The following CDC42EP3 variants were observed in gnomAD, a reference collection of about 807,000 sequenced individuals.
The protein encoded by CDC42EP3 is CDC42 effector protein (Rho GTPase binding) 3.
Under a neutral mutation model 15.5 loss-of-function variants are expected in CDC42EP3, and 4 were observed. That is an observed-to-expected ratio of 0.26 (90% confidence interval 0.13 to 0.59). The LOEUF is 0.59. Among genes scored for constraint, CDC42EP3 ranks in the 20% least tolerant of loss-of-function variants. CDC42EP3 has a pLI of 0.89. For missense variants in CDC42EP3, 309 were observed against 311.2 expected, an observed-to-expected ratio of 0.99 and a Z score of 0.05; for synonymous variants, 145 against 130.3, an observed-to-expected ratio of 1.11 and a Z score of -0.77.
intron 1 of CDC42EP3, among the ~76,000 whole-genome samples, chr2:37,650,176 T>A (rs1665622864): frequency 6.6e-6 from 1 of 152,112 alleles, no homozygotes; most frequent in South Asian, 2.1e-4. Context: ...CCTCCCCAGC[T>A]CAGGGGCAAC....
chr2:37,656,852 C>G (rs369197398), intron 1 of CDC42EP3, among the ~76,000 whole-genome samples: 1 of 152,174 alleles, frequency 6.6e-6, no homozygotes, highest in East Asian at 1.9e-4. Flanking sequence ...AAGAAGGGTC[C>G]TAGACACTGG....
chr2:37,664,442 A>G (rs1255137417), intron 1 of CDC42EP3, among the ~76,000 whole-genome samples: 1 of 152,180 alleles, frequency 6.6e-6, no homozygotes, highest in Non-Finnish European at 1.5e-5. Context: ...CAGCTTGCAG[A>G]CAGCCTATTA....
chr2:37,647,645 C>A (rs1039902013), intron 1 of CDC42EP3: 1 of 152,484 alleles, frequency 6.6e-6, no homozygotes, highest in African/African-American at 2.4e-5. Flanking sequence ...TCGAAGGGAG[C>A]CCCCATGATC....
intron 1 of CDC42EP3, among the ~76,000 whole-genome samples, chr2:37,655,221 T>G (rs1665810885): frequency 6.6e-6 from 1 of 152,248 alleles, no homozygotes; most frequent in Non-Finnish European, 1.5e-5. Context: ...CAGGCGGTAT[T>G]TTAAAGACCC....
rs530451951 is a variant in CDC42EP3, at chr2:37,660,836, G to C, written c.-236+10590C>G. ...ACCTCAAAGTAGCAGACCTGGAAAT[G>C]ATGGGATCTGGAGGGTGTAGGGTTA... On this transcript the variant is annotated intron_variant, in intron 1 of 1. Coordinates refer to ENST00000295324, the MANE Select transcript of CDC42EP3 (RefSeq NM_006449.5). 2.0e-4 allele frequency among the ~76,000 whole-genome samples: 30 copies of C among 152,012 alleles called. 1 individual carries two copies. The highest frequency in any genetic ancestry group is 7.2e-4 in the African/African-American group (30 of 41,488).
At chr2:37,668,988 T>G (rs947147929) in intron 1 of CDC42EP3, among the ~76,000 whole-genome samples, 1 of 152,112 alleles carries the variant, frequency 6.6e-6, no homozygotes, top group African/African-American at 2.4e-5. Context: ...ATACTGCATT[T>G]AAAAATAGAT....
At chr2:37,669,253 AAT>A (rs35466274) in intron 1 of CDC42EP3, among the ~76,000 whole-genome samples, 28,389 of 143,824 alleles carry the variant, frequency 0.2, 2,928 homozygotes, top group Non-Finnish European at 0.25. Context: ...AAAAAAAAAA[AAT>A]CTTTGGGTGA....
chr2:37,665,487 G>T (rs888353480), intron 1 of CDC42EP3, among the ~76,000 whole-genome samples: 8 of 152,152 alleles, frequency 5.3e-5, no homozygotes, highest in African/African-American at 1.9e-4. Context: ...AAATAAAAAG[G>T]TTGAGAAATC....
At chr2:37,668,080 T>C (rs867914443) in intron 1 of CDC42EP3, among the ~76,000 whole-genome samples, 1 of 152,234 alleles carries the variant, frequency 6.6e-6, no homozygotes, top group Non-Finnish European at 1.5e-5. Context: ...ATTTGTAAAG[T>C]AGGCACAGTA....
At chr2:37,663,328 C>T (rs765706265) in intron 1 of CDC42EP3, among the ~76,000 whole-genome samples, 1 of 152,242 alleles carries the variant, frequency 6.6e-6, no homozygotes, top group Middle Eastern at 3.2e-3. Context: ...AGCAATGATG[C>T]ACTCCACTGT....
At chr2:37,654,169 G>A (rs1373554715) in intron 1 of CDC42EP3, among the ~76,000 whole-genome samples, 1 of 152,106 alleles carries the variant, frequency 6.6e-6, no homozygotes, top group East Asian at 1.9e-4. Context: ...TGTGGGCTAT[G>A]TCTCTCTGCT....
At position 37,645,965 on chromosome 2, in the gene CDC42EP3, G is replaced by A. The variant is rs770347284; in HGVS notation, c.623C>T (p.Pro208Leu). ...TCCCTTGATGAGCTCGCATGGGGTG[G>A]GATGGTCAAACATGTCCTCGGCTGG... ...DWPAEDMFDHPTPCELIKGKT... is the reference protein window; with the variant it reads ...DWPAEDMFDHLTPCELIKGKT... Residue 208 changes from proline to leucine, a missense_variant, in exon 2 of 2, where the codon CCC becomes CTC. Pro to Leu is a moderately conservative substitution (Grantham distance 98). Coordinates refer to ENST00000295324, the MANE Select transcript of CDC42EP3 (RefSeq NM_006449.5). The A allele has an allele frequency of 6.2e-7, 1 of 1,614,034 alleles. No individual in the cohort carries two copies. The highest frequency in any genetic ancestry group is 8.5e-7 in the Non-Finnish European group (1 of 1,179,950).
intron 1 of CDC42EP3, among the ~76,000 whole-genome samples, chr2:37,651,949 G>A (rs1182352276): frequency 6.6e-6 from 1 of 152,078 alleles, no homozygotes; most frequent in African/African-American, 2.4e-5. Flanking sequence ...GCCGAGGCGG[G>A]CAGATCACAA....
At chr2:37,659,835 ATGTGGGGAAAAATAAACCTATCAAAACAT>A (rs1264459651) in intron 1 of CDC42EP3, among the ~76,000 whole-genome samples, 2 of 152,220 alleles carry the variant, frequency 1.3e-5, no homozygotes, top group Non-Finnish European at 2.9e-5. Context: ...CAGATCAGAT[ATGTGGGGAAAAATAAACCTATCAAAACAT>A]TTGCCAAACC....
In CDC42EP3 at chr2:37,646,206, A is replaced by G. The variant is rs754664660; in HGVS notation, c.382T>C (p.Phe128Leu). The change falls in exon 2 of 2, where the codon TTT (phenylalanine) becomes CTT (leucine). Residue 128 changes from phenylalanine to leucine, a missense_variant. By Grantham distance (22) the Phe-to-Leu change is conservative (BLOSUM62 0). Transcript: ENST00000295324. ...LMLPLLSPVT[F>L]NSKQESFGPA... ...CCGAAGGACTCCTGTTTGGAATTAA[A>G]TGTCACTGGTGACAATAAGGGCAAC... 11 of 1,614,158 alleles carry G rather than the reference A, an allele frequency of 6.8e-6. No individual in the cohort carries two copies. Among genetic ancestry groups the G allele is most frequent in the Non-Finnish European group, 7.6e-6 (9 of 1,180,026 alleles).
chr2:37,662,471 A>G (rs924333569), intron 1 of CDC42EP3, among the ~76,000 whole-genome samples: 3 of 152,228 alleles, frequency 2.0e-5, no homozygotes, highest in Non-Finnish European at 4.4e-5. Flanking sequence ...GGATCTGGCC[A>G]CCTAAACTGA....
chr2:37,655,712 C>T (rs1458791370), intron 1 of CDC42EP3, among the ~76,000 whole-genome samples: 2 of 152,166 alleles, frequency 1.3e-5, no homozygotes, highest in Non-Finnish European at 2.9e-5. Flanking sequence ...GAACTGCTCA[C>T]GTGTTTCCAT....
intron 1 of CDC42EP3, among the ~76,000 whole-genome samples, chr2:37,667,275 TCTG>T (rs1275981893): frequency 6.6e-6 from 1 of 152,220 alleles, no homozygotes; most frequent in African/African-American, 2.4e-5. Context: ...TAGCTCCTCT[TCTG>T]CTGAGTTCTT....
Position 37,643,450 on chromosome 2 carries a change from C to T in CDC42EP3, c.*2373G>A, listed in dbSNP as rs1049355679. On this transcript the variant is annotated 3_prime_UTR_variant, in exon 2 of 2. Transcript: ENST00000295324. ...AATTCAATTAATGGAAGAAAATGTACATGAAAGAACTCCCAGAAACTAAAA... is the reference window on the plus strand; with the variant it reads ...AATTCAATTAATGGAAGAAAATGTATATGAAAGAACTCCCAGAAACTAAAA... 1 of 152,132 alleles carries T rather than the reference C, an allele frequency of 6.6e-6. No individual in the cohort carries two copies. Among genetic ancestry groups the T allele is most frequent in the East Asian group, 1.9e-4 (1 of 5,202 alleles). 9.4% of individuals were successfully genotyped at this position (152,132 alleles called of 1,614,324 possible).
Sources: gnomAD v4.1 joint callset for allele counts (sites outside exome capture counted in the v4.1 genomes callset) on GRCh38, gnomAD v4.1.1 for gene constraint, MANE v1.5 for transcripts, NCBI Gene and HGNC (gene_info 2026-07-23, HGNC 2026-07-21) for gene names.